The following TIPRL variants were observed in gnomAD, a reference collection of about 807,000 sequenced individuals.
TIPRL encodes the protein TOR signaling pathway regulator, also known as TIP41-like protein.
Under a neutral mutation model 32.3 loss-of-function variants are expected in TIPRL, and 10 were observed. The ratio of observed to expected loss-of-function variants is 0.31; its 90% confidence interval spans 0.19 to 0.52. The LOEUF (loss-of-function observed/expected upper bound fraction) is 0.52. Ranked by LOEUF, TIPRL falls within the 20% of genes least tolerant of loss-of-function variation. The probability of loss-of-function intolerance (pLI) is 0.96; values close to 1 mark genes in which losing one functional copy is unlikely to be tolerated. For synonymous variants in TIPRL, 100 were observed against 114.0 expected, an observed-to-expected ratio of 0.88 and a Z score of 0.78; for missense variants, 250 against 328.1, an observed-to-expected ratio of 0.76 and a Z score of 1.84.
chr1:168,200,056 C>T lies in TIPRL; in HGVS notation c.*10C>T, dbSNP rs1307614154. On this transcript the variant is annotated 3_prime_UTR_variant, in exon 7 of 7. Transcript: ENST00000367833. Reference sequence around the variant, plus strand: ...TACACAAGTGGAATAAAATGTGATACAACATATACTCACTATGGAATCTGA... The same window carrying T: ...TACACAAGTGGAATAAAATGTGATATAACATATACTCACTATGGAATCTGA... 1.2e-6 allele frequency: 2 copies of T among 1,611,724 alleles called. No individual in the cohort carries two copies. The highest frequency in any genetic ancestry group is 1.7e-5 in the Admixed American group (1 of 59,852).
intron 3 of TIPRL, among the ~76,000 whole-genome samples, chr1:168,185,967 C>T (rs113968933): frequency 0.013 from 1,890 of 146,122 alleles, 38 homozygotes; most frequent in African/African-American, 0.045. Flanking sequence ...CCCAGCTACT[C>T]GGGAGGCTGA....
rs1225840754 is a variant in TIPRL, at chr1:168,201,977, ATTAGT to A, written c.*1935_*1939del. 1 of 151,388 alleles carries A rather than the reference ATTAGT, an allele frequency of 6.6e-6. No homozygotes were observed. The highest frequency in any genetic ancestry group is 1.5e-5 in the Non-Finnish European group (1 of 67,872). 9.4% of individuals were successfully genotyped at this position (151,388 alleles called of 1,614,324 possible). A position where few individuals can be genotyped will look rare whatever the true frequency, so the allele number is the denominator to read the frequency against. ...AGAAGAGTATGCCTCTGAAAATTTT[ATTAGT>A]TTATTCTTGTGGAGAATACCAAGAA... On this transcript the variant is annotated 3_prime_UTR_variant, in exon 7 of 7. Transcript: ENST00000367833.
chr1:168,196,556 C>G lies in TIPRL; in HGVS notation c.526C>G (p.Pro176Ala). The G allele has an allele frequency of 6.3e-7, 1 of 1,574,950 alleles. No individual in the cohort carries two copies. The highest frequency in any genetic ancestry group is 8.6e-7 in the Non-Finnish European group (1 of 1,161,366). The change falls in exon 5 of 7, where the codon CCT becomes GCT. Residue 176 changes from proline to alanine, a missense_variant. Pro to Ala is a conservative substitution (Grantham distance 27). Coordinates refer to ENST00000367833, the MANE Select transcript of TIPRL (RefSeq NM_152902.5). ...TTTTTTTTTTTTCCAGAGAGTAATG[C>G]CTTCTAGCTTTTTCCTGCTGTTGCG... is the stretch of plus-strand genomic sequence containing the variant. ...SSLSVKIRVM[P>A]SSFFLLLRFF...
At chr1:168,191,265 A>G in intron 3 of TIPRL, 104 bp from the exon 4 acceptor site, 2 of 1,069,160 alleles carry the variant, frequency 1.9e-6, no homozygotes, top group Admixed American at 3.1e-5. Flanking sequence ...CTGGCTATGT[A>G]GAAAAGACTG....
At chr1:168,180,673 T>C (rs1201141939) in intron 1 of TIPRL, among the ~76,000 whole-genome samples, 1 of 151,940 alleles carries the variant, frequency 6.6e-6, no homozygotes, top group Non-Finnish European at 1.5e-5. Context: ...TTCAAGAAAA[T>C]AAGTGGTAAT....
At chr1:168,199,308 G>A (rs957260242) in intron 6 of TIPRL, among the ~76,000 whole-genome samples, 5 of 152,130 alleles carry the variant, frequency 3.3e-5, no homozygotes, top group African/African-American at 4.8e-5. Flanking sequence ...CCACCCTGCC[G>A]CCTTATTTCT....
intron 1 of TIPRL, 103 bp downstream of exon 1, chr1:168,179,284 G>A: frequency 1.2e-5 from 12 of 1,005,298 alleles, no homozygotes; most frequent in Non-Finnish European, 1.8e-5. Context: ...CTGAGGCGGA[G>A]GTTCGGTCCC....
intron 3 of TIPRL, among the ~76,000 whole-genome samples, chr1:168,185,529 T>C (rs1284848289): frequency 6.6e-6 from 1 of 151,688 alleles, no homozygotes; most frequent in Non-Finnish European, 1.5e-5. Context: ...TCCCAGCACT[T>C]TGAGAGGCCG....
At position 168,198,062 on chromosome 1, in the gene TIPRL, T is replaced by C. The variant is rs968457028; in HGVS notation, c.613-857T>C. On this transcript the variant is annotated intron_variant, in intron 5 of 6. Coordinates refer to ENST00000367833, the MANE Select transcript of TIPRL (RefSeq NM_152902.5). ...GTTTATATCCATATGGTATAAAATA[T>C]ATAATTATTAAAATTGGTTGCAGAG... 2.6e-5 allele frequency among the ~76,000 whole-genome samples: 4 copies of C among 152,118 alleles called. No homozygotes were observed. In the East Asian group the frequency reaches 7.7e-4, roughly 29 times the overall value.
chr1:168,197,945 C>T (rs545808354), intron 5 of TIPRL, among the ~76,000 whole-genome samples: 23 of 152,106 alleles, frequency 1.5e-4, no homozygotes, highest in Admixed American at 9.2e-4. Context: ...CAGAGTTATA[C>T]GTACATGAAT....
intron 1 of TIPRL, 141 bp from the exon 2 acceptor site, chr1:168,183,761 C>G: frequency 1.2e-6 from 1 of 836,914 alleles, no homozygotes; most frequent in Non-Finnish European, 1.8e-6. Flanking sequence ...ATTTTATAGA[C>G]CTTGCAAATA....
chr1:168,179,764 G>A (rs779727512), intron 1 of TIPRL, among the ~76,000 whole-genome samples: 4 of 152,148 alleles, frequency 2.6e-5, no homozygotes, highest in Non-Finnish European at 4.4e-5. Context: ...AACCGTTGCG[G>A]GGGGCGGTGG....
At chr1:168,186,001 G>T (rs1700022639) in intron 3 of TIPRL, among the ~76,000 whole-genome samples, 2 of 143,450 alleles carry the variant, frequency 1.4e-5, no homozygotes, top group African/African-American at 2.7e-5. Context: ...CTTGAACCCG[G>T]GAGGCAGAGG....
rs138352420 is a variant in TIPRL at position 168,184,313 on chromosome 1, C to T, written c.284+232C>T. Reference sequence around the variant, plus strand: ...TAAAGTGAATTACAACTGAGCTGAGCTATGTACGTTTTCGATTTTTCAGTG... The same window carrying T: ...TAAAGTGAATTACAACTGAGCTGAGTTATGTACGTTTTCGATTTTTCAGTG... On this transcript the variant is annotated intron_variant, in intron 2 of 6. Coordinates refer to ENST00000367833, the MANE Select transcript of TIPRL (RefSeq NM_152902.5). Among the ~76,000 whole-genome samples the T allele has an allele frequency of 1.4e-3, 209 of 152,270 alleles. 1 individual carries two copies. The highest frequency in any genetic ancestry group is 2.4e-3 in the Non-Finnish European group (162 of 68,028).
At chr1:168,192,032 C>T (rs1029851491) in intron 4 of TIPRL, among the ~76,000 whole-genome samples, 1 of 151,976 alleles carries the variant, frequency 6.6e-6, no homozygotes, top group Non-Finnish European at 1.5e-5. Context: ...TGCCTGGCCA[C>T]CTTGTAGTTT....
chr1:168,193,214 A>T (rs1403552722), intron 4 of TIPRL, among the ~76,000 whole-genome samples: 2 of 152,130 alleles, frequency 1.3e-5, no homozygotes, highest in East Asian at 3.8e-4. Context: ...TATTTTTCTT[A>T]TCTAAAAATA....
chr1:168,198,219 A>G (rs1385765926), intron 5 of TIPRL, among the ~76,000 whole-genome samples: 4 of 152,164 alleles, frequency 2.6e-5, no homozygotes, highest in African/African-American at 9.6e-5. Flanking sequence ...ATAAGCTGTG[A>G]TCACTGATGA....
At chr1:168,189,093 G>C (rs772825781) in intron 3 of TIPRL, among the ~76,000 whole-genome samples, 1 of 152,226 alleles carries the variant, frequency 6.6e-6, no homozygotes, top group Non-Finnish European at 1.5e-5. Context: ...GCACTGAGCA[G>C]TGATGGCACC....
intron 1 of TIPRL, among the ~76,000 whole-genome samples, chr1:168,179,514 G>C (rs188628935): frequency 6.6e-6 from 1 of 152,136 alleles, no homozygotes; most frequent in Non-Finnish European, 1.5e-5. Context: ...GTTTTCTTAG[G>C]GGTTAATGAC....
Sources: allele counts gnomAD v4.1 joint callset (sites outside exome capture counted in the v4.1 genomes callset), GRCh38; gene constraint gnomAD v4.1.1; transcripts MANE v1.5; gene names NCBI Gene and HGNC (gene_info 2026-07-23, HGNC 2026-07-21).